Variants in YEATS4 observed in about 807,000 individuals in gnomAD.
YEATS4 encodes YEATS domain containing 4, also known as YEATS domain-containing protein 4.
YEATS4 carries 17 observed loss-of-function variants against 30.1 expected under a neutral mutation model. The ratio of observed to expected loss-of-function variants is 0.56; its 90% CI spans 0.39 to 0.85. YEATS4 has a LOEUF of 0.85. Among genes scored for constraint, YEATS4 ranks in the 40% least tolerant of loss-of-function variants. YEATS4 has a pLI of 0.00. For synonymous variants in YEATS4, 85 were observed against 87.5 expected, an observed-to-expected ratio of 0.97 and a Z score of 0.16; for missense variants, 142 against 268.3, an observed-to-expected ratio of 0.53 and a Z score of 3.29.
At chr12:69,369,290 C>T (rs534989126) in intron 4 of YEATS4, among the ~76,000 whole-genome samples, 9 of 152,206 alleles carry the variant, frequency 5.9e-5, no homozygotes, top group Non-Finnish European at 1.3e-4. Flanking sequence ...GATCCTTTTT[C>T]GTCCTCTTTC....
the YEATS4 span, among the ~76,000 whole-genome samples, chr12:69,417,594 T>C: frequency 6.6e-6 from 1 of 152,174 alleles, no homozygotes; most frequent in Non-Finnish European, 1.5e-5. Flanking sequence ...CAGAAATCGG[T>C]TACAGAAGTC....
chr12:69,388,047 T>A (rs56132568), intron 6 of YEATS4, among the ~76,000 whole-genome samples: 3 of 97,114 alleles, frequency 3.1e-5, no homozygotes, highest in East Asian at 2.5e-4. Context: ...TGAATTTTTT[T>A]ATTTTTTTTA....
chr12:69,382,299 G>A lies in YEATS4; in HGVS notation c.515-7848G>A, dbSNP rs538384437. ...CCTTAAGGGCACTGAGTTTCCCTGG[G>A]CTGCGGGTAGGTCCAGAGATTCTGT... On this transcript the variant is annotated intron_variant, in intron 6 of 6. Transcript: ENST00000247843. 2.6e-5 allele frequency among the ~76,000 whole-genome samples: 4 copies of A among 152,298 alleles called. No individual in the cohort carries two copies. In the Middle Eastern group the frequency reaches 0.014, roughly 518 times the overall value.
In YEATS4 at chr12:69,384,093, C is replaced by G. The variant is rs191955962; in HGVS notation, c.515-6054C>G. Among the ~76,000 whole-genome samples the G allele has an allele frequency of 2.6e-5, 4 of 152,250 alleles. No individual in the cohort carries two copies. In the East Asian group the frequency reaches 7.7e-4, roughly 29 times the overall value. On this transcript the variant is annotated intron_variant, in intron 6 of 6. Coordinates refer to ENST00000247843, the MANE Select transcript of YEATS4 (RefSeq NM_006530.4). ...ATTATAATTTTGTGACTTAGGTAGT[C>G]ATTGAAAATTTGTATGCTTTAGTTT... is the stretch of plus-strand genomic sequence containing the variant.
chr12:69,405,443 AG>A, the YEATS4 span, among the ~76,000 whole-genome samples: 35 of 152,096 alleles, frequency 2.3e-4, no homozygotes, highest in African/African-American at 8.0e-4. Flanking sequence ...CTCAGCGTAC[AG>A]TTTTTTTTCT....
the YEATS4 span, among the ~76,000 whole-genome samples, chr12:69,423,218 C>G: frequency 2.6e-5 from 4 of 152,126 alleles, no homozygotes; most frequent in African/African-American, 9.7e-5. Flanking sequence ...AGTTTGAAAG[C>G]ACACAACCAT....
At chr12:69,426,275 C>T in the YEATS4 span, among the ~76,000 whole-genome samples, 1 of 152,228 alleles carries the variant, frequency 6.6e-6, no homozygotes, top group South Asian at 2.1e-4. Context: ...TGTATATGCC[C>T]TTGCCTCCAT....
chr12:69,386,665 G>C (rs948337177), intron 6 of YEATS4, among the ~76,000 whole-genome samples: 3 of 152,066 alleles, frequency 2.0e-5, no homozygotes, highest in Non-Finnish European at 4.4e-5. Context: ...GGGTATAGGG[G>C]AATACAAATT....
At chr12:69,375,794 C>T (rs372320043) in intron 6 of YEATS4, among the ~76,000 whole-genome samples, 4 of 151,888 alleles carry the variant, frequency 2.6e-5, no homozygotes, top group African/African-American at 7.3e-5. Context: ...CCCAGGCACT[C>T]GGCAGGCTGA....
chr12:69,376,345 A>G (rs563454867), intron 6 of YEATS4, among the ~76,000 whole-genome samples: 1 of 152,378 alleles, frequency 6.6e-6, no homozygotes, highest in African/African-American at 2.4e-5. Flanking sequence ...CAGCCTAGGC[A>G]ACAGAGTGAG....
At chr12:69,407,469 T>C in the YEATS4 span, among the ~76,000 whole-genome samples, 1 of 152,160 alleles carries the variant, frequency 6.6e-6, no homozygotes, top group South Asian at 2.1e-4. Flanking sequence ...TTCTTTTGTT[T>C]GTTTTTCAGG....
intron 6 of YEATS4, among the ~76,000 whole-genome samples, chr12:69,383,449 G>A (rs1042669565): frequency 1.3e-5 from 2 of 152,288 alleles, no homozygotes; most frequent in African/African-American, 2.4e-5. Flanking sequence ...AAAGGAGTAA[G>A]TGAAGATAGA....
At chr12:69,407,101 C>T in the YEATS4 span, among the ~76,000 whole-genome samples, 1 of 152,064 alleles carries the variant, frequency 6.6e-6, no homozygotes, top group African/African-American at 2.4e-5. Context: ...AGGTGTAAGC[C>T]ACCACACCTG....
intron 6 of YEATS4, among the ~76,000 whole-genome samples, chr12:69,382,249 T>C (rs1876108048): frequency 6.6e-6 from 1 of 152,212 alleles, no homozygotes; most frequent in African/African-American, 2.4e-5. Context: ...TCTTAAATCA[T>C]TAATTTGATT....
intron 6 of YEATS4, among the ~76,000 whole-genome samples, chr12:69,377,938 T>G (rs539914751): frequency 4.6e-5 from 7 of 152,314 alleles, no homozygotes; most frequent in African/African-American, 1.7e-4. Flanking sequence ...TGCTGAAAGT[T>G]GGATGTTGGC....
the YEATS4 span, among the ~76,000 whole-genome samples, chr12:69,405,339 A>G: frequency 3.9e-5 from 6 of 152,248 alleles, no homozygotes; most frequent in African/African-American, 1.4e-4. Context: ...ATTAACGACA[A>G]TAACTAATAA....
intron 3 of YEATS4, 34 bp downstream of exon 3, chr12:69,365,733 A>C (rs1017232177): frequency 1.2e-6 from 2 of 1,604,234 alleles, no homozygotes; most frequent in Non-Finnish European, 1.7e-6. Flanking sequence ...CAATATCCAA[A>C]GTTAAAAATG....
chr12:69,374,835 C>G (rs1175449119), intron 6 of YEATS4, among the ~76,000 whole-genome samples: 2 of 152,158 alleles, frequency 1.3e-5, no homozygotes, highest in African/African-American at 2.4e-5. Context: ...ACATTTCCCC[C>G]TTTTCTATTC....
chr12:69,381,786 C>G (rs1258775008), intron 6 of YEATS4, among the ~76,000 whole-genome samples: 3 of 152,190 alleles, frequency 2.0e-5, no homozygotes, highest in Admixed American at 6.5e-5. Context: ...CTCTCCCTTT[C>G]TTTTTATATA....
Sources: gnomAD v4.1 joint callset for allele counts (sites outside exome capture counted in the v4.1 genomes callset) on GRCh38, gnomAD v4.1.1 for gene constraint, MANE v1.5 for transcripts, NCBI Gene and HGNC (gene_info 2026-07-23, HGNC 2026-07-21) for gene names.